The following SH3D19 variants were observed in gnomAD, a reference collection of about 807,000 sequenced individuals.
SH3D19 encodes SH3 domain containing 19.
In SH3D19, 58 loss-of-function variants were observed where a neutral mutation model predicts 112.1. The ratio of observed to expected loss-of-function variants is 0.52; its 90% CI spans 0.42 to 0.64. The LOEUF (loss-of-function observed/expected upper bound fraction) is 0.64. Ranked by LOEUF, SH3D19 falls within the 30% of genes least tolerant of loss-of-function variation. The pLI is 0.00. For synonymous variants in SH3D19, 391 were observed against 448.5 expected (o/e 0.87, Z 1.62); for missense variants, 1,090 against 1,263.4 (o/e 0.86, Z 2.08).
At chr4:151,294,140 A>T (rs1215841159) in intron 1 of SH3D19, among the ~76,000 whole-genome samples, 1 of 152,222 alleles carries the variant, frequency 6.6e-6, no homozygotes, top group Non-Finnish European at 1.5e-5. Flanking sequence ...AAGTCCACGT[A>T]AGAATTTTTG....
chr4:151,159,195 C>G (rs746357498), intron 9 of SH3D19, 45 bp downstream of exon 9: 1 of 1,079,078 alleles, frequency 9.3e-7, no homozygotes, highest in Non-Finnish European at 1.3e-6. Flanking sequence ...AAAATTAATG[C>G]ATAGCTACGT....
At chr4:151,231,225 T>C (rs920142326) in intron 1 of SH3D19, among the ~76,000 whole-genome samples, 1 of 152,192 alleles carries the variant, frequency 6.6e-6, no homozygotes, top group African/African-American at 2.4e-5. Context: ...CTTTAAAAGA[T>C]TGCATAATTG....
chr4:151,141,646 A>T (rs960402933), intron 12 of SH3D19, among the ~76,000 whole-genome samples: 3 of 152,210 alleles, frequency 2.0e-5, no homozygotes, highest in African/African-American at 7.2e-5. Flanking sequence ...CTCTCCAAAA[A>T]AAGTTAAACA....
intron 2 of SH3D19, among the ~76,000 whole-genome samples, chr4:151,222,195 G>A (rs1390228936): frequency 6.6e-6 from 1 of 152,192 alleles, no homozygotes; most frequent in African/African-American, 2.4e-5. Flanking sequence ...CCACAGAGGT[G>A]CATTCTGTCC....
At chr4:151,263,769 C>T (rs966587168) in intron 1 of SH3D19, among the ~76,000 whole-genome samples, 3 of 150,458 alleles carry the variant, frequency 2.0e-5, no homozygotes, top group South Asian at 4.2e-4. Context: ...ATAGAGAACA[C>T]CCAAAATGGA....
At chr4:151,137,520 A>G (rs1311524456) in intron 14 of SH3D19, among the ~76,000 whole-genome samples, 1 of 152,240 alleles carries the variant, frequency 6.6e-6, no homozygotes, top group Non-Finnish European at 1.5e-5. Context: ...TTAGGATTTC[A>G]GACAGCATTT....
At chr4:151,316,658 C>T (rs1309130707) in intron 1 of SH3D19, among the ~76,000 whole-genome samples, 2 of 151,528 alleles carry the variant, frequency 1.3e-5, no homozygotes, top group Non-Finnish European at 2.9e-5. Context: ...TAACTTGGAA[C>T]AAATTTTATT....
rs1730943786 is a variant in SH3D19 at position 151,325,301 on chromosome 4, G to C, written c.52C>G (p.Arg18Gly). Residue 18 changes from arginine (R) to glycine (G), a missense_variant, in exon 1 of 20, where the codon CGC becomes GGC. Arg to Gly is a moderately radical substitution (Grantham distance 125). Coordinates refer to ENST00000604030, the MANE Select transcript of SH3D19 (RefSeq NM_001378122.1). The part of the protein sequence containing the change: ...EDEEEELRER[R>G]ELGGQRRARG... ...GCGCGGCGCTGGCCACCAAGTTCGCGGCGCTCGCGTAGCTCTTCCTCCTCG... is the reference window on the plus strand; with the variant it reads ...GCGCGGCGCTGGCCACCAAGTTCGCCGCGCTCGCGTAGCTCTTCCTCCTCG... 1 of 1,220,064 alleles carries C rather than the reference G, an allele frequency of 8.2e-7. No homozygotes were observed. Among genetic ancestry groups the C allele is most frequent in the Non-Finnish European group, 1.0e-6 (1 of 980,442 alleles). 75.6% of individuals were successfully genotyped at this position (1,220,064 alleles called of 1,614,324 possible). A position where few individuals can be genotyped will look rare whatever the true frequency, so the allele number is the denominator to read the frequency against.
At chr4:151,197,765 A>G (rs572974100) in intron 2 of SH3D19, among the ~76,000 whole-genome samples, 3 of 152,348 alleles carry the variant, frequency 2.0e-5, no homozygotes, top group Admixed American at 2.0e-4. Context: ...AATAAGGGAT[A>G]ATAGTGGTCA....
intron 11 of SH3D19, among the ~76,000 whole-genome samples, chr4:151,147,652 A>G (rs1754163467): frequency 1.3e-5 from 2 of 152,132 alleles, no homozygotes; most frequent in South Asian, 4.1e-4. Flanking sequence ...TAGTAGAGAC[A>G]GAGTTTCACC....
intron 1 of SH3D19, among the ~76,000 whole-genome samples, chr4:151,323,056 G>C (rs1730708826): frequency 6.6e-6 from 1 of 152,146 alleles, no homozygotes; most frequent in Admixed American, 6.6e-5. Flanking sequence ...TTCTTGACTT[G>C]AGCATGAGTT....
chr4:151,317,828 G>C (rs1730138631), intron 1 of SH3D19, among the ~76,000 whole-genome samples: 1 of 151,736 alleles, frequency 6.6e-6, no homozygotes, highest in African/African-American at 2.4e-5. Flanking sequence ...ACAAAAATCA[G>C]CCAACGTGGT....
intron 1 of SH3D19, among the ~76,000 whole-genome samples, chr4:151,265,073 AAATT>A (rs1772672837): frequency 6.7e-6 from 1 of 149,102 alleles, no homozygotes; most frequent in Non-Finnish European, 1.5e-5. Context: ...ACATAATAAT[AAATT>A]AATTAAATGT....
intron 19 of SH3D19, among the ~76,000 whole-genome samples, chr4:151,123,114 T>C (rs1240740305): frequency 1.3e-5 from 2 of 152,166 alleles, no homozygotes; most frequent in East Asian, 3.8e-4. Context: ...CCTCACAAAG[T>C]GTTGGGGTTA....
At chr4:151,151,127 A>G (rs1294526211) in intron 9 of SH3D19, among the ~76,000 whole-genome samples, 1 of 151,626 alleles carries the variant, frequency 6.6e-6, no homozygotes, top group African/African-American at 2.4e-5. Flanking sequence ...CACCTGGCTA[A>G]TTTTCGTATT....
intron 2 of SH3D19, among the ~76,000 whole-genome samples, chr4:151,211,195 G>A (rs1428618209): frequency 1.3e-5 from 2 of 151,776 alleles, no homozygotes; most frequent in African/African-American, 2.4e-5. Context: ...ACTTGAACCC[G>A]GGAGGCAGAA....
At chr4:151,176,443 A>G (rs1759973162) in intron 6 of SH3D19, 91 bp downstream of exon 6, 2 of 1,089,222 alleles carry the variant, frequency 1.8e-6, no homozygotes, top group South Asian at 4.7e-5. Context: ...TGAATTATGC[A>G]CAAATTGCAA....
intron 1 of SH3D19, among the ~76,000 whole-genome samples, chr4:151,259,943 C>A (rs905165147): frequency 1.3e-5 from 2 of 152,206 alleles, no homozygotes; most frequent in Non-Finnish European, 2.9e-5. Context: ...TCCCTTACAG[C>A]AGCATGCCTA....
chr4:151,225,087 C>T (rs575787143), intron 2 of SH3D19, among the ~76,000 whole-genome samples: 23 of 152,268 alleles, frequency 1.5e-4, no homozygotes, highest in Admixed American at 3.9e-4. Flanking sequence ...TTCTGCAAAA[C>T]GCATTGCTAT....
Sources: gnomAD v4.1 joint callset for allele counts (sites outside exome capture counted in the v4.1 genomes callset) on GRCh38, gnomAD v4.1.1 for gene constraint, MANE v1.5 for transcripts, NCBI Gene and HGNC (gene_info 2026-07-23, HGNC 2026-07-21) for gene names.